The following LPAR3 variants were observed in gnomAD, a reference collection of about 807,000 sequenced individuals.
The protein encoded by LPAR3 is lysophosphatidic acid receptor 3, also known as LPA receptor 3.
A neutral mutation model predicts 17.8 loss-of-function variants in LPAR3; 7 were observed. The ratio of observed to expected loss-of-function variants is 0.39; its 90% confidence interval spans 0.22 to 0.74. The LOEUF (loss-of-function observed/expected upper bound fraction) is 0.74. Ranked by LOEUF, LPAR3 falls within the 30% of genes least tolerant of loss-of-function variation. The pLI, the probability that LPAR3 is intolerant of heterozygous loss-of-function variation, is 0.40. For missense variants in LPAR3, 391 were observed against 453.4 expected (o/e 0.86, Z 1.25); for synonymous variants, 179 against 179.9 (o/e 0.99, Z 0.04).
At chr1:84,856,760 C>T (rs1659838360) in intron 2 of LPAR3, among the ~76,000 whole-genome samples, 1 of 152,142 alleles carries the variant, frequency 6.6e-6, no homozygotes, top group South Asian at 2.1e-4. Context: ...TGAGGACCAT[C>T]CTATAATAGA....
chr1:84,864,203 T>C (rs1176096231), intron 2 of LPAR3, among the ~76,000 whole-genome samples: 3 of 147,082 alleles, frequency 2.0e-5, no homozygotes, highest in Non-Finnish European at 4.5e-5. Flanking sequence ...CAGAGCCAGG[T>C]CCTGTCTCAA....
At chr1:84,888,140 A>G (rs1349341141) in intron 1 of LPAR3, among the ~76,000 whole-genome samples, 2 of 102,628 alleles carry the variant, frequency 1.9e-5, no homozygotes, top group Non-Finnish European at 1.9e-5. Context: ...ATATATATAT[A>G]TATACATACA....
At chr1:84,860,406 G>GGTAA (rs1216360734) in intron 2 of LPAR3, among the ~76,000 whole-genome samples, 1 of 152,172 alleles carries the variant, frequency 6.6e-6, no homozygotes, top group African/African-American at 2.4e-5. Flanking sequence ...TTTGTACTCT[G>GGTAA]TGGGGCCTTC....
At chr1:84,874,254 A>G (rs1660214025) in intron 1 of LPAR3, among the ~76,000 whole-genome samples, 1 of 152,192 alleles carries the variant, frequency 6.6e-6, no homozygotes, top group Non-Finnish European at 1.5e-5. Context: ...TCTTCAGCTC[A>G]GAGATGGTGA....
intron 1 of LPAR3, among the ~76,000 whole-genome samples, chr1:84,886,677 C>T (rs1660466538): frequency 6.6e-6 from 1 of 151,954 alleles, no homozygotes; most frequent in African/African-American, 2.4e-5. Flanking sequence ...CTATGTTTAT[C>T]AAGATAAATA....
At chr1:84,828,189 G>A (rs1659201710) in intron 2 of LPAR3, among the ~76,000 whole-genome samples, 1 of 152,074 alleles carries the variant, frequency 6.6e-6, no homozygotes, top group South Asian at 2.1e-4. Flanking sequence ...ACACACAGAT[G>A]TAGAGATATG....
intron 2 of LPAR3, among the ~76,000 whole-genome samples, chr1:84,863,046 A>G (rs1570891938): frequency 6.7e-6 from 1 of 150,306 alleles, no homozygotes; most frequent in Non-Finnish European, 1.5e-5. Flanking sequence ...AGGGCTCACA[A>G]CCTTTCTCTC....
At chr1:84,830,809 C>G (rs568526465) in intron 2 of LPAR3, among the ~76,000 whole-genome samples, 1 of 152,068 alleles carries the variant, frequency 6.6e-6, no homozygotes, top group Non-Finnish European at 1.5e-5. Flanking sequence ...TGTTTTCAGA[C>G]GGAACATTTC....
intron 1 of LPAR3, among the ~76,000 whole-genome samples, chr1:84,885,554 T>C (rs542687726): frequency 1.3e-5 from 2 of 152,344 alleles, no homozygotes; most frequent in South Asian, 4.1e-4. Context: ...TCCCTTCTCT[T>C]TTCTTCCTTC....
At chr1:84,816,219 C>T (rs1658929110) in intron 2 of LPAR3, among the ~76,000 whole-genome samples, 1 of 152,184 alleles carries the variant, frequency 6.6e-6, no homozygotes, top group Admixed American at 6.5e-5. Flanking sequence ...TTTGCAACTA[C>T]CAACTTGAGA....
At chr1:84,871,452 T>C (rs762874821) in intron 1 of LPAR3, among the ~76,000 whole-genome samples, 28 of 152,190 alleles carry the variant, frequency 1.8e-4, no homozygotes, top group Non-Finnish European at 3.2e-4. Context: ...GCTGCCTGGC[T>C]TTTTAGCTGG....
At chr1:84,815,287 A>G (rs1658911780) in intron 2 of LPAR3, among the ~76,000 whole-genome samples, 1 of 152,182 alleles carries the variant, frequency 6.6e-6, no homozygotes, top group Non-Finnish European at 1.5e-5. Flanking sequence ...CTTTCGGCGA[A>G]TGTCCTTGTC....
chr1:84,873,668 T>A (rs1377516286), intron 1 of LPAR3, among the ~76,000 whole-genome samples: 1 of 152,220 alleles, frequency 6.6e-6, no homozygotes. Context: ...ATCATTTCTC[T>A]TGAGAAAGCT....
At chr1:84,831,797 A>G (rs771582092) in intron 2 of LPAR3, among the ~76,000 whole-genome samples, 16 of 150,286 alleles carry the variant, frequency 1.1e-4, no homozygotes, top group Non-Finnish European at 1.9e-4. Context: ...CTGCCCAGCC[A>G]CCTGTGATAA....
chr1:84,820,030 C>T (rs972348446), intron 2 of LPAR3, among the ~76,000 whole-genome samples: 3 of 152,162 alleles, frequency 2.0e-5, no homozygotes, highest in Non-Finnish European at 4.4e-5. Flanking sequence ...TGCACTTCCC[C>T]TGTAAAACTC....
chr1:84,829,681 T>C (rs887148446), intron 2 of LPAR3, among the ~76,000 whole-genome samples: 2 of 152,062 alleles, frequency 1.3e-5, no homozygotes, highest in Admixed American at 6.6e-5. Flanking sequence ...AATAATGTAC[T>C]ATAATGACGA....
chr1:84,845,258 T>C (rs897166030), intron 2 of LPAR3, among the ~76,000 whole-genome samples: 1 of 152,228 alleles, frequency 6.6e-6, no homozygotes, highest in African/African-American at 2.4e-5. Context: ...GGCCATTATA[T>C]ACATTGTTTA....
intron 1 of LPAR3, among the ~76,000 whole-genome samples, chr1:84,872,372 AC>A (rs1660171380): frequency 6.6e-6 from 1 of 152,006 alleles, no homozygotes; most frequent in Non-Finnish European, 1.5e-5. Flanking sequence ...TGGGTTCCCT[AC>A]CTCCAGAAAA....
chr1:84,870,913 A>C (rs941258555), intron 1 of LPAR3, among the ~76,000 whole-genome samples: 1 of 152,236 alleles, frequency 6.6e-6, no homozygotes, highest in South Asian at 2.1e-4. Context: ...AAATAGAATG[A>C]TCTGATCAAA....
Sources: gnomAD v4.1 joint callset for allele counts (sites outside exome capture counted in the v4.1 genomes callset) on GRCh38, gnomAD v4.1.1 for gene constraint, MANE v1.5 for transcripts, NCBI Gene and HGNC (gene_info 2026-07-23, HGNC 2026-07-21) for gene names.